Variants in PIP observed in about 807,000 individuals in gnomAD.
The protein encoded by PIP is prolactin-inducible protein.
A neutral mutation model predicts 12.8 loss-of-function variants in PIP; 9 were observed. The observed-to-expected ratio is 0.70, with a 90% CI of 0.42 to 1.23. The LOEUF is 1.23. PIP is among the 50% of genes most tolerant of loss of function. The pLI is 0.00. For missense variants in PIP, 172 were observed against 179.5 expected (o/e 0.96, Z 0.24); for synonymous variants, 60 against 66.1 (o/e 0.91, Z 0.45).
chr7:143,133,507 C>T (rs1235409554), intron 1 of PIP, among the ~76,000 whole-genome samples: 5 of 152,076 alleles, frequency 3.3e-5, no homozygotes, highest in South Asian at 2.1e-4. Flanking sequence ...AACAAAGGTC[C>T]GTAGCCGGGA....
chr7:143,135,000 A>C (rs1799291330), intron 1 of PIP, among the ~76,000 whole-genome samples, 194 bp from the exon 2 acceptor site: 1 of 152,100 alleles, frequency 6.6e-6, no homozygotes, highest in Admixed American at 6.6e-5. Flanking sequence ...ATTAAACAAA[A>C]TTAAATCTGT....
intron 2 of PIP, among the ~76,000 whole-genome samples, chr7:143,138,768 C>A (rs1305827529): frequency 1.3e-5 from 2 of 152,164 alleles, no homozygotes; most frequent in Non-Finnish European, 2.9e-5. Flanking sequence ...GTGACTAAGG[C>A]AAGCCTGCTC....
At chr7:143,137,942 C>T (rs1799327591) in intron 2 of PIP, among the ~76,000 whole-genome samples, 1 of 151,414 alleles carries the variant, frequency 6.6e-6, no homozygotes, top group Non-Finnish European at 1.5e-5. Context: ...AGGTAGTCTT[C>T]TCCAAAGAAA....
chr7:143,138,002 C>A (rs1799328448), intron 2 of PIP, among the ~76,000 whole-genome samples: 1 of 151,868 alleles, frequency 6.6e-6, no homozygotes. Flanking sequence ...GGTGAGAACA[C>A]CTGAATTTAC....
In PIP at chr7:143,136,507, G is replaced by A. The variant is rs28377711; in HGVS notation, c.201+1208G>A. Among the ~76,000 whole-genome samples, 1,429 of 152,136 alleles carry A rather than the reference G, an allele frequency of 9.4e-3. 31 individuals are homozygous for A. Among genetic ancestry groups the A allele is most frequent in the African/African-American group, 0.033 (1,371 of 41,516 alleles). On this transcript the variant is annotated intron_variant, in intron 2 of 3. Transcript: ENST00000291009. ...GCTTTGTCAAATTTTTCTATTTTCA[G>A]TCCAAGAATCTGAGACATGTACACT...
intron 2 of PIP, among the ~76,000 whole-genome samples, chr7:143,135,813 C>T (rs1799304141): frequency 6.6e-6 from 1 of 152,026 alleles, no homozygotes; most frequent in African/African-American, 2.4e-5. Context: ...GACTCTTGTT[C>T]CAGCCTCCCC....
chr7:143,138,657 C>G (rs1799334392), intron 2 of PIP, among the ~76,000 whole-genome samples: 1 of 152,102 alleles, frequency 6.6e-6, no homozygotes. Context: ...GCTCTGACAA[C>G]AAGGCCTGAC....
At chr7:143,137,989 A>G (rs1799328184) in intron 2 of PIP, among the ~76,000 whole-genome samples, 1 of 151,944 alleles carries the variant, frequency 6.6e-6, no homozygotes, top group Non-Finnish European at 1.5e-5. Context: ...GTAAAACTCC[A>G]AGGGTGAGAA....
chr7:143,135,980 A>T (rs1799305774), intron 2 of PIP, among the ~76,000 whole-genome samples: 1 of 151,982 alleles, frequency 6.6e-6, no homozygotes, highest in African/African-American at 2.4e-5. Flanking sequence ...CTGGGGAGAG[A>T]TTAGAACTTC....
intron 2 of PIP, among the ~76,000 whole-genome samples, chr7:143,137,903 G>GAA (rs60977776): frequency 5.4e-5 from 7 of 130,602 alleles, no homozygotes; most frequent in Admixed American, 7.9e-5. Flanking sequence ...CTGTCTCTTA[G>GAA]AAAAAAAAAA....
Position 143,133,689 on chromosome 7 carries a change from T to C in PIP, c.95+1478T>C, listed in dbSNP as rs989904440. Among the ~76,000 whole-genome samples the C allele has an allele frequency of 2.6e-5, 4 of 152,008 alleles. No individual in the cohort carries two copies. In the East Asian group the frequency reaches 7.7e-4, roughly 29 times the overall value. On this transcript the variant is annotated intron_variant, in intron 1 of 3. Coordinates refer to ENST00000291009, the MANE Select transcript of PIP (RefSeq NM_002652.3). ...TCCCAAACATGGCCATATGTCCAAATTTCCTAAGGAGCTAAATAAATACAA... is the reference window on the plus strand; with the variant it reads ...TCCCAAACATGGCCATATGTCCAAACTTCCTAAGGAGCTAAATAAATACAA...
In PIP at chr7:143,132,157, C is replaced by T. The variant is rs369883108; in HGVS notation, c.41C>T (p.Thr14Ile). Residue 14 changes from threonine (T) to isoleucine (I), a missense_variant, in exon 1 of 4, where the codon ACC becomes ATC. By Grantham distance (89) the Thr-to-Ile change is moderately conservative. Transcript: ENST00000291009. ...LQLLFRASPA[T>I]LLLVLCLQLG... ...CTCCTGTTCAGGGCCAGCCCTGCCA[C>T]CCTGCTCCTGGTTCTCTGCCTGCAG... 28 of 1,611,968 alleles carry T rather than the reference C, an allele frequency of 1.7e-5. No homozygotes were observed. Among genetic ancestry groups the T allele is most frequent in the Admixed American group, 6.7e-5 (4 of 59,986 alleles).
At chr7:143,134,166 GAGTAGTAGTATTCCATCATATATATAT>G (rs1371023243) in intron 1 of PIP, among the ~76,000 whole-genome samples, 11 of 124,668 alleles carry the variant, frequency 8.8e-5, no homozygotes, top group African/African-American at 3.0e-4. Context: ...TATTATGGCT[GAGTAGTAGTATTCCATCATATATATAT>G]ATATATATAT....
chr7:143,138,835 C>G (rs1396515763), intron 2 of PIP, among the ~76,000 whole-genome samples: 1 of 152,126 alleles, frequency 6.6e-6, no homozygotes, highest in African/African-American at 2.4e-5. Context: ...TCACTTGCAT[C>G]CCTATCTCCT....
In PIP at chr7:143,139,126, A is replaced by C. The variant is rs550049906; in HGVS notation, c.253A>C (p.Lys85Gln). The C allele has an allele frequency of 1.9e-6, 3 of 1,605,360 alleles. No homozygotes were observed. Among genetic ancestry groups the C allele is most frequent in the South Asian group, 2.2e-5 (2 of 91,004 alleles). Residue 85 changes from lysine (K) to glutamine (Q), a missense_variant, in exon 3 of 4, where the codon AAG (lysine) becomes CAG (glutamine). Physicochemically the swap from Lys to Gln is moderately conservative, Grantham distance 53 (BLOSUM62 1). Transcript: ENST00000291009. ...SIPLQGAFNY[K>Q]YTACLCDDNP... Reference sequence around the variant, plus strand: ...CCCTCTACAAGGTGCATTTAACTATAAGTATACTGCCTGCCTATGTGACGA... The same window carrying C: ...CCCTCTACAAGGTGCATTTAACTATCAGTATACTGCCTGCCTATGTGACGA...
At chr7:143,138,136 T>C (rs1052125124) in intron 2 of PIP, among the ~76,000 whole-genome samples, 1 of 152,024 alleles carries the variant, frequency 6.6e-6, no homozygotes, top group Non-Finnish European at 1.5e-5. Context: ...TGCCATACAT[T>C]CAAGGTAGTA....
chr7:143,139,692 T>C lies in PIP; in HGVS notation c.*50T>C. ...CCCAGGTGATTTCCTCTAAAGAAAC[T>C]TGGCTGGAATTTCTGCTGTGGTCTA... is the stretch of plus-strand genomic sequence containing the variant. On this transcript the variant is annotated 3_prime_UTR_variant, in exon 4 of 4. Coordinates refer to ENST00000291009, the MANE Select transcript of PIP (RefSeq NM_002652.3). 2 of 1,555,976 alleles carry C rather than the reference T, an allele frequency of 1.3e-6. No homozygotes were observed. Among genetic ancestry groups the C allele is most frequent in the Non-Finnish European group, 1.8e-6 (2 of 1,133,760 alleles).
At chr7:143,133,642 A>G (rs183907594) in intron 1 of PIP, among the ~76,000 whole-genome samples, 7 of 152,060 alleles carry the variant, frequency 4.6e-5, no homozygotes, top group Admixed American at 4.6e-4. Flanking sequence ...GTATGGTCTA[A>G]ATGTAGAGTA....
intron 2 of PIP, among the ~76,000 whole-genome samples, chr7:143,137,120 C>T (rs917944774): frequency 1.3e-5 from 2 of 151,838 alleles, no homozygotes; most frequent in African/African-American, 2.4e-5. Context: ...TACCTACAAT[C>T]GTATATTTGA....
Sources: allele counts gnomAD v4.1 joint callset (sites outside exome capture counted in the v4.1 genomes callset), GRCh38; gene constraint gnomAD v4.1.1; transcripts MANE v1.5; gene names NCBI Gene and HGNC (gene_info 2026-07-23, HGNC 2026-07-21).